Variants in PAX5 observed in about 807,000 individuals in gnomAD.
The protein encoded by PAX5 is paired box 5, also known as paired box protein Pax-5.
Under a neutral mutation model 43.7 loss-of-function variants are expected in PAX5, and 9 were observed. The ratio of observed to expected loss-of-function variants is 0.21; its 90% CI spans 0.12 to 0.36. PAX5 has a LOEUF of 0.36. Among genes scored for constraint, PAX5 ranks in the 10% least tolerant of loss-of-function variants. The pLI, the probability that PAX5 is intolerant of heterozygous loss-of-function variation, is 1.00. For missense variants in PAX5, 383 were observed against 532.7 expected, an observed-to-expected ratio of 0.72 and a Z score of 2.77; for synonymous variants, 228 against 214.3, an observed-to-expected ratio of 1.06 and a Z score of -0.56.
chr9:36,961,249 C>G (rs1400597240), intron 6 of PAX5, among the ~76,000 whole-genome samples: 1 of 152,232 alleles, frequency 6.6e-6, no homozygotes, highest in East Asian at 1.9e-4. Flanking sequence ...GGTGCCACCA[C>G]TGAGGGGGCA....
intron 7 of PAX5, among the ~76,000 whole-genome samples, chr9:36,903,502 C>G (rs1828569117): frequency 6.6e-6 from 1 of 152,276 alleles, no homozygotes; most frequent in South Asian, 2.1e-4. Flanking sequence ...GGACAACACA[C>G]AGCCTGAGGG....
At chr9:36,930,802 G>A (rs1369684218) in intron 6 of PAX5, 24 of 1,290,272 alleles carry the variant, frequency 1.9e-5, no homozygotes, top group Non-Finnish European at 2.3e-5. Context: ...AATATGAGAG[G>A]TTCAGGAATT....
intron 8 of PAX5, among the ~76,000 whole-genome samples, chr9:36,851,775 G>T (rs953356933): frequency 9.2e-5 from 14 of 152,170 alleles, no homozygotes; most frequent in Non-Finnish European, 8.8e-5. Context: ...GGATTCCAGG[G>T]CATCCGGGCT....
At chr9:36,913,290 G>A (rs1829454562) in intron 7 of PAX5, among the ~76,000 whole-genome samples, 1 of 152,238 alleles carries the variant, frequency 6.6e-6, no homozygotes, top group Non-Finnish European at 1.5e-5. Context: ...GCCCACAGGA[G>A]GCCTCTCTCT....
At chr9:36,944,118 A>C (rs916637754) in intron 6 of PAX5, among the ~76,000 whole-genome samples, 3 of 152,196 alleles carry the variant, frequency 2.0e-5, no homozygotes, top group African/African-American at 7.2e-5. Context: ...CCGGAGTTCA[A>C]GGTTACAGTG....
intron 6 of PAX5, among the ~76,000 whole-genome samples, chr9:36,956,042 A>G (rs1234608148): frequency 6.6e-6 from 1 of 152,218 alleles, no homozygotes; most frequent in Non-Finnish European, 1.5e-5. Context: ...GTGTAAGACC[A>G]AAATTAGCTG....
At chr9:37,022,462 A>G (rs1190956824) in intron 1 of PAX5, among the ~76,000 whole-genome samples, 1 of 152,230 alleles carries the variant, frequency 6.6e-6, no homozygotes, top group Non-Finnish European at 1.5e-5. Context: ...TTTAAGTAAA[A>G]GAAAATAAAT....
chr9:36,935,305 G>A (rs34376361), intron 6 of PAX5, among the ~76,000 whole-genome samples: 42,143 of 152,078 alleles, frequency 0.28, 6,468 homozygotes, highest in Non-Finnish European at 0.34. Context: ...GCTTGAACCC[G>A]GGGGGCGGAG....
chr9:36,910,806 A>G (rs1418349877), intron 7 of PAX5, among the ~76,000 whole-genome samples: 3 of 152,172 alleles, frequency 2.0e-5, no homozygotes. Context: ...CTGTGTGAAG[A>G]GTCAGGCCGC....
chr9:36,912,164 C>T (rs571274935), intron 7 of PAX5, among the ~76,000 whole-genome samples: 13 of 152,342 alleles, frequency 8.5e-5, no homozygotes, highest in Non-Finnish European at 1.5e-4. Flanking sequence ...AGAGAGCTGT[C>T]GCTGGGCAAA....
chr9:37,025,847 C>T (rs1319452903), intron 1 of PAX5, among the ~76,000 whole-genome samples: 2 of 152,146 alleles, frequency 1.3e-5, no homozygotes, highest in Non-Finnish European at 2.9e-5. Flanking sequence ...CGTTTCTTAT[C>T]CTCTTTTTTT....
At chr9:36,895,557 AG>A in intron 7 of PAX5, among the ~76,000 whole-genome samples, 1 of 152,212 alleles carries the variant, frequency 6.6e-6, no homozygotes, top group South Asian at 2.1e-4. Context: ...ATACCTCCTT[AG>A]ACTGCTTAAA....
intron 8 of PAX5, among the ~76,000 whole-genome samples, chr9:36,879,083 C>T (rs1211163678): frequency 6.6e-6 from 1 of 152,232 alleles, no homozygotes; most frequent in Non-Finnish European, 1.5e-5. Context: ...CCTCCACACT[C>T]GTGCACCCTC....
chr9:37,004,861 A>G (rs1456693355), intron 4 of PAX5, among the ~76,000 whole-genome samples: 1 of 152,034 alleles, frequency 6.6e-6, no homozygotes, highest in Non-Finnish European at 1.5e-5. Context: ...TGGCCCCACC[A>G]CTTACTGGCA....
chr9:37,004,172 G>A (rs1272004544), intron 4 of PAX5, among the ~76,000 whole-genome samples: 4 of 152,332 alleles, frequency 2.6e-5, no homozygotes, highest in South Asian at 4.1e-4. Flanking sequence ...GTGACTTATT[G>A]TGACTGAGGC....
intron 1 of PAX5, 80 bp downstream of exon 1, chr9:37,033,897 CCCTCCTCCT>C (rs2132591880): frequency 8.5e-7 from 1 of 1,179,992 alleles, no homozygotes; most frequent in Non-Finnish European, 1.3e-6. Flanking sequence ...GCGGCGCGCC[CCCTCCTCCT>C]CCAGGGTCAC....
In PAX5 at chr9:36,964,229, C is replaced by T. The variant is rs973323603; in HGVS notation, c.780+2320G>A. Among the ~76,000 whole-genome samples the T allele has an allele frequency of 6.1e-5, 9 of 148,414 alleles. No individual in the cohort carries two copies. In the South Asian group the frequency reaches 6.4e-4, roughly 11 times the overall value. Reference sequence around the variant, plus strand: ...CCGGGAGGTGGAGCTTGCAGTGAGCCGAGATCGCGCCACTGCACTCCAGCC... The same window carrying T: ...CCGGGAGGTGGAGCTTGCAGTGAGCTGAGATCGCGCCACTGCACTCCAGCC... On this transcript the variant is annotated intron_variant, in intron 6 of 9. Coordinates refer to ENST00000358127, the MANE Select transcript of PAX5 (RefSeq NM_016734.3).
chr9:36,850,034 G>A (rs1015797842), intron 8 of PAX5, among the ~76,000 whole-genome samples: 1 of 152,208 alleles, frequency 6.6e-6, no homozygotes, highest in Admixed American at 6.5e-5. Context: ...GAGTGGAAGC[G>A]ACCACGTGAA....
chr9:37,020,053 T>G (rs1316296452), intron 2 of PAX5, among the ~76,000 whole-genome samples: 1 of 151,088 alleles, frequency 6.6e-6, no homozygotes, highest in Admixed American at 6.6e-5. Context: ...AATCGCCAGG[T>G]CAAGTGGCAA....
Sources: gnomAD v4.1 joint callset for allele counts (sites outside exome capture counted in the v4.1 genomes callset) on GRCh38, gnomAD v4.1.1 for gene constraint, MANE v1.5 for transcripts, NCBI Gene and HGNC (gene_info 2026-07-23, HGNC 2026-07-21) for gene names.